LRRTM4: variants seen among roughly 807,000 people sequenced by gnomAD.
LRRTM4 encodes the protein leucine rich repeat transmembrane neuronal 4, also known as leucine-rich repeat transmembrane neuronal protein 4.
In LRRTM4, 25 loss-of-function variants were observed where a neutral mutation model predicts 47.6. The ratio of observed to expected loss-of-function variants is 0.53; its 90% confidence interval spans 0.38 to 0.73. The LOEUF is 0.73. LRRTM4 is among the 30% of genes least tolerant of loss of function. LRRTM4 has a pLI of 0.00. For missense variants in LRRTM4, 638 were observed against 713.4 expected, an observed-to-expected ratio of 0.89 and a Z score of 1.20; for synonymous variants, 311 against 269.5, an observed-to-expected ratio of 1.15 and a Z score of -1.51.
intron 3 of LRRTM4, among the ~76,000 whole-genome samples, chr2:77,237,129 A>G (rs1201092215): frequency 6.7e-6 from 1 of 148,472 alleles, no homozygotes; most frequent in Non-Finnish European, 1.5e-5. Flanking sequence ...TCTTTGCATA[A>G]CTGGTAGAAT....
intron 3 of LRRTM4, among the ~76,000 whole-genome samples, chr2:77,327,554 A>G (rs974486535): frequency 6.6e-6 from 1 of 152,206 alleles, no homozygotes; most frequent in Non-Finnish European, 1.5e-5. Context: ...AAAGAACAAA[A>G]GGTTATATGT....
chr2:77,072,800 C>CAA (rs373786120), intron 3 of LRRTM4, among the ~76,000 whole-genome samples: 16,373 of 77,850 alleles, frequency 0.21, 1,729 homozygotes, highest in Middle Eastern at 0.32. Context: ...CTCCGTCTTC[C>CAA]AAAAAAAAAA....
rs565178619 is a variant in LRRTM4, at chr2:76,838,089, T to C, written c.1552-89173A>G. On this transcript the variant is annotated intron_variant, in intron 3 of 3. Coordinates refer to ENST00000409884, the MANE Select transcript of LRRTM4 (RefSeq NM_001134745.3). ...TACCCTAAAACTTAAAGTATAATAA[T>C]AATAATAATAATAAAAGAATGGAAG... Among the ~76,000 whole-genome samples the C allele has an allele frequency of 2.0e-3, 284 of 139,722 alleles. 3 individuals carry two copies. Among genetic ancestry groups the C allele is most frequent in the African/African-American group, 7.1e-3 (272 of 38,506 alleles). The allele number at this position is 139,722 out of a possible 152,430, so 91.7% of individuals were successfully genotyped here. A position where few individuals can be genotyped will look rare whatever the true frequency, so the allele number is the denominator to read the frequency against.
intron 3 of LRRTM4, among the ~76,000 whole-genome samples, chr2:76,968,385 C>CAG (rs1450177199): frequency 1.3e-5 from 1 of 79,632 alleles, no homozygotes; most frequent in Non-Finnish European, 2.8e-5. Context: ...TATATATATA[C>CAG]ACATACATAC....
chr2:77,065,675 G>C (rs1324361963), intron 3 of LRRTM4, among the ~76,000 whole-genome samples: 1 of 152,176 alleles, frequency 6.6e-6, no homozygotes, highest in African/African-American at 2.4e-5. Flanking sequence ...GAAACAGAGT[G>C]TAACACAGGA....
At chr2:76,805,142 C>T (rs1675905737) in intron 3 of LRRTM4, among the ~76,000 whole-genome samples, 1 of 152,056 alleles carries the variant, frequency 6.6e-6, no homozygotes, top group Non-Finnish European at 1.5e-5. Context: ...AGGCCCTTAA[C>T]CTCTTTGTTT....
At chr2:77,054,536 G>T (rs1679540939) in intron 3 of LRRTM4, among the ~76,000 whole-genome samples, 1 of 152,160 alleles carries the variant, frequency 6.6e-6, no homozygotes, top group Non-Finnish European at 1.5e-5. Context: ...ACTGTGCAGG[G>T]TAAATGGAGT....
intron 3 of LRRTM4, among the ~76,000 whole-genome samples, chr2:76,883,710 T>A (rs1489349659): frequency 1.3e-5 from 2 of 152,158 alleles, no homozygotes; most frequent in African/African-American, 4.8e-5. Flanking sequence ...AGAGTCACAG[T>A]CACTGAAAAT....
intron 3 of LRRTM4, among the ~76,000 whole-genome samples, chr2:76,780,492 G>A (rs1046812977): frequency 4.0e-5 from 6 of 151,706 alleles, no homozygotes; most frequent in East Asian, 3.9e-4. Context: ...ACCCCTTCTC[G>A]CTTCATTTCA....
At chr2:77,276,828 AC>A (rs1242298654) in intron 3 of LRRTM4, among the ~76,000 whole-genome samples, 1 of 150,340 alleles carries the variant, frequency 6.7e-6, no homozygotes, top group East Asian at 2.0e-4. Flanking sequence ...AGAAACTGAA[AC>A]TTTTGTCTTC....
chr2:77,179,691 A>C (rs1377323400), intron 3 of LRRTM4, among the ~76,000 whole-genome samples: 1 of 152,130 alleles, frequency 6.6e-6, no homozygotes, highest in Non-Finnish European at 1.5e-5. Flanking sequence ...CAGCTGGAGG[A>C]AAAAAGATGA....
At chr2:77,009,987 A>G (rs1450284682) in intron 3 of LRRTM4, among the ~76,000 whole-genome samples, 1 of 151,782 alleles carries the variant, frequency 6.6e-6, no homozygotes, top group East Asian at 1.9e-4. Context: ...AAAAAAAAAA[A>G]GTTGATTTAA....
chr2:77,150,956 G>A, intron 3 of LRRTM4, among the ~76,000 whole-genome samples: 1 of 152,008 alleles, frequency 6.6e-6, no homozygotes, highest in East Asian at 1.9e-4. Flanking sequence ...TCAACAGGTT[G>A]AACACATTCA....
intron 3 of LRRTM4, among the ~76,000 whole-genome samples, chr2:77,172,169 G>GA (rs752198542): frequency 6.6e-6 from 1 of 152,160 alleles, no homozygotes; most frequent in Non-Finnish European, 1.5e-5. Context: ...AAGAGATTCT[G>GA]AAAAATGTAG....
At chr2:77,150,459 C>A (rs760910441) in intron 3 of LRRTM4, among the ~76,000 whole-genome samples, 1 of 152,118 alleles carries the variant, frequency 6.6e-6, no homozygotes, top group Non-Finnish European at 1.5e-5. Context: ...GGGAGTTCAA[C>A]TAAGAAGAGA....
chr2:77,109,637 A>C (rs528770065), intron 3 of LRRTM4, among the ~76,000 whole-genome samples: 2 of 152,312 alleles, frequency 1.3e-5, no homozygotes, highest in Middle Eastern at 6.8e-3. Flanking sequence ...TTAAAATAAA[A>C]AATATCAAAG....
In LRRTM4 at chr2:77,513,977, TA is replaced by T. The variant is rs142092015; in HGVS notation, c.1551+4340del. Among the ~76,000 whole-genome samples, 235 of 152,214 alleles carry T rather than the reference TA, an allele frequency of 1.5e-3. 4 individuals carry two copies. The East Asian group carries it at 0.037, about 24-fold the overall frequency. ...TTGTTACTAATAATTTAAATTGTCG[TA>T]AAAAAATTTAATTAATTTTGATGGA... On this transcript the variant is annotated intron_variant, in intron 3 of 3. Coordinates refer to ENST00000409884, the MANE Select transcript of LRRTM4 (RefSeq NM_001134745.3).
rs1181876984 is a variant in LRRTM4, at chr2:77,145,612, CA to C, written c.1551+372705del. On this transcript the variant is annotated intron_variant, in intron 3 of 3. Coordinates refer to ENST00000409884, the MANE Select transcript of LRRTM4 (RefSeq NM_001134745.3). ...TGAAACCCTGTCTCTACTAAAAATA[CA>C]AAAAAAAAAAATTAGCTGGGCATGG... Among the ~76,000 whole-genome samples, 994 of 139,100 alleles carry C rather than the reference CA, an allele frequency of 7.1e-3. 29 individuals carry two copies. The highest frequency in any genetic ancestry group is 0.047 in the Admixed American group (655 of 13,916). 91.3% of individuals were successfully genotyped at this position (139,100 alleles called of 152,430 possible).
chr2:77,083,255 C>A (rs933976678), intron 3 of LRRTM4, among the ~76,000 whole-genome samples: 1 of 152,138 alleles, frequency 6.6e-6, no homozygotes, highest in Non-Finnish European at 1.5e-5. Context: ...TTCTGATCAG[C>A]TATTCCATGG....
Sources: gnomAD v4.1 joint callset for allele counts (sites outside exome capture counted in the v4.1 genomes callset) on GRCh38, gnomAD v4.1.1 for gene constraint, MANE v1.5 for transcripts, NCBI Gene and HGNC (gene_info 2026-07-23, HGNC 2026-07-21) for gene names.